SLC4A10: variants seen among roughly 807,000 people sequenced by gnomAD.
SLC4A10 encodes solute carrier family 4 member 10, also known as sodium-driven chloride bicarbonate exchanger.
In SLC4A10, 42 loss-of-function variants were observed where a neutral mutation model predicts 137.7. That is an observed-to-expected ratio of 0.30 (90% CI 0.24 to 0.39). The LOEUF (loss-of-function observed/expected upper bound fraction) is 0.39, where lower values mean the gene tolerates loss of function less well. Among genes scored for constraint, SLC4A10 ranks in the 10% least tolerant of loss-of-function variants. SLC4A10 has a pLI of 1.00. For synonymous variants in SLC4A10, 474 were observed against 464.1 expected, an observed-to-expected ratio of 1.02 and a Z score of -0.27; for missense variants, 925 against 1,355.0, an observed-to-expected ratio of 0.68 and a Z score of 4.98.
chr2:161,909,172 T>C (rs1411334638), intron 15 of SLC4A10, among the ~76,000 whole-genome samples: 1 of 151,610 alleles, frequency 6.6e-6, no homozygotes, highest in Non-Finnish European at 1.5e-5. Flanking sequence ...ACATGGCACA[T>C]GTATACATAT....
intron 1 of SLC4A10, among the ~76,000 whole-genome samples, chr2:161,713,867 A>G (rs2044561016): frequency 6.6e-6 from 1 of 151,894 alleles, no homozygotes; most frequent in Non-Finnish European, 1.5e-5. Flanking sequence ...AGGTTAGTAA[A>G]AAAGCTGGAT....
intron 1 of SLC4A10, among the ~76,000 whole-genome samples, chr2:161,697,160 T>A (rs1350043798): frequency 6.6e-6 from 1 of 151,550 alleles, no homozygotes; most frequent in African/African-American, 2.4e-5. Context: ...GTTTTTTGTT[T>A]TTTTCTTGTA....
At chr2:161,796,561 T>C (rs2054794258) in intron 2 of SLC4A10, among the ~76,000 whole-genome samples, 1 of 152,212 alleles carries the variant, frequency 6.6e-6, no homozygotes, top group Non-Finnish European at 1.5e-5. Context: ...TAATGCCCCA[T>C]TGATCCAGAT....
intron 2 of SLC4A10, among the ~76,000 whole-genome samples, chr2:161,776,684 T>G (rs1172853015): frequency 1.3e-5 from 2 of 151,932 alleles, no homozygotes; most frequent in Non-Finnish European, 2.9e-5. Context: ...TGAGATCTTG[T>G]TTGCAATTCT....
At chr2:161,941,569 A>G (rs539363730) in intron 15 of SLC4A10, among the ~76,000 whole-genome samples, 1 of 152,290 alleles carries the variant, frequency 6.6e-6, no homozygotes, top group African/African-American at 2.4e-5. Context: ...AGCAGAGGAC[A>G]TGAAGGGACT....
chr2:161,649,859 G>A (rs1457864584), intron 1 of SLC4A10, among the ~76,000 whole-genome samples: 5 of 151,668 alleles, frequency 3.3e-5, no homozygotes, highest in African/African-American at 1.2e-4. Context: ...AATCTAATAA[G>A]CTTTAAAAAC....
At chr2:161,720,784 G>T (rs2045564449) in intron 1 of SLC4A10, among the ~76,000 whole-genome samples, 1 of 150,388 alleles carries the variant, frequency 6.6e-6, no homozygotes, top group South Asian at 2.1e-4. Flanking sequence ...TTGCATGTGA[G>T]ATGGATTTCT....
intron 1 of SLC4A10, among the ~76,000 whole-genome samples, chr2:161,643,342 T>A (rs2035569122): frequency 6.6e-6 from 1 of 152,120 alleles, no homozygotes; most frequent in Non-Finnish European, 1.5e-5. Flanking sequence ...ATTACTTTAC[T>A]GAATCTTAAT....
At chr2:161,916,556 G>A (rs1363735301) in intron 15 of SLC4A10, among the ~76,000 whole-genome samples, 1 of 152,140 alleles carries the variant, frequency 6.6e-6, no homozygotes, top group Non-Finnish European at 1.5e-5. Flanking sequence ...GCCCACTGAT[G>A]GCTTTGTGCC....
chr2:161,672,850 T>C (rs1340996853), intron 1 of SLC4A10, among the ~76,000 whole-genome samples: 1 of 152,200 alleles, frequency 6.6e-6, no homozygotes, highest in African/African-American at 2.4e-5. Context: ...TTTCATTTAA[T>C]TGTGCTTCTT....
At chr2:161,831,111 T>C (rs1325001872) in intron 3 of SLC4A10, among the ~76,000 whole-genome samples, 1 of 152,132 alleles carries the variant, frequency 6.6e-6, no homozygotes, top group Non-Finnish European at 1.5e-5. Context: ...TAGACTGTAA[T>C]AGCAAGGGAA....
intron 1 of SLC4A10, among the ~76,000 whole-genome samples, chr2:161,630,200 G>A (rs1253256598): frequency 6.6e-6 from 1 of 151,828 alleles, no homozygotes; most frequent in Admixed American, 6.6e-5. Context: ...ATTTGGTGTT[G>A]TCAGTTTTTT....
intron 1 of SLC4A10, among the ~76,000 whole-genome samples, chr2:161,732,937 T>C (rs1375601810): frequency 3.9e-5 from 6 of 152,134 alleles, no homozygotes; most frequent in Non-Finnish European, 5.9e-5. Flanking sequence ...ACTTTGAACT[T>C]GAAAGAGATT....
rs1273033699 is a variant in SLC4A10, at chr2:161,985,134, A to C, written c.*1982A>C. On this transcript the variant is annotated 3_prime_UTR_variant, in exon 27 of 27. Transcript: ENST00000446997. ...CTTCTAATTTCAGATTCCTGGTCAA[A>C]ATTACTAAATATCTTGAATGTAATT... 1 of 152,074 alleles carries C rather than the reference A, an allele frequency of 6.6e-6. No homozygotes were observed. Among genetic ancestry groups the C allele is most frequent in the African/African-American group, 2.4e-5 (1 of 41,452 alleles). The allele number at this position is 152,074 out of a possible 1,614,324, so 9.4% of individuals were successfully genotyped here.
intron 20 of SLC4A10, among the ~76,000 whole-genome samples, chr2:161,958,136 T>C (rs2105873628): frequency 6.6e-6 from 1 of 152,288 alleles, no homozygotes; most frequent in Admixed American, 6.5e-5. Flanking sequence ...CTTATCTTTG[T>C]AAAGCAAAAT....
intron 1 of SLC4A10, among the ~76,000 whole-genome samples, chr2:161,728,553 G>A (rs759787031): frequency 2.0e-5 from 3 of 151,796 alleles, no homozygotes; most frequent in South Asian, 2.1e-4. Context: ...CAGCCTAGGC[G>A]ACAGAGGAAG....
chr2:161,858,466 T>A (rs2125870634), intron 5 of SLC4A10, among the ~76,000 whole-genome samples: 1 of 152,316 alleles, frequency 6.6e-6, no homozygotes, highest in South Asian at 2.1e-4. Context: ...TTAAAATATA[T>A]CTGTTTCCCA....
At chr2:161,662,965 G>A (rs950059119) in intron 1 of SLC4A10, among the ~76,000 whole-genome samples, 2 of 152,192 alleles carry the variant, frequency 1.3e-5, no homozygotes, top group African/African-American at 2.4e-5. Context: ...AAAGATAGAC[G>A]TGGACCTGGC....
At chr2:161,716,373 C>A (rs1484732809) in intron 1 of SLC4A10, among the ~76,000 whole-genome samples, 25 of 152,020 alleles carry the variant, frequency 1.6e-4, no homozygotes. Flanking sequence ...GTTGCAATTG[C>A]TTTTGATATT....
Sources: gnomAD v4.1 joint callset for allele counts (sites outside exome capture counted in the v4.1 genomes callset) on GRCh38, gnomAD v4.1.1 for gene constraint, MANE v1.5 for transcripts, NCBI Gene and HGNC (gene_info 2026-07-23, HGNC 2026-07-21) for gene names.